The following SMC6 variants were observed in gnomAD, a reference collection of about 807,000 sequenced individuals.
SMC6 encodes the protein structural maintenance of chromosomes 6, also known as structural maintenance of chromosomes protein 6.
A neutral mutation model predicts 142.2 loss-of-function variants in SMC6; 79 were observed. That is an observed-to-expected ratio of 0.56 (90% confidence interval 0.46 to 0.67). The LOEUF is 0.67. SMC6 is among the 30% of genes least tolerant of loss of function. SMC6 has a pLI of 0.00. For synonymous variants in SMC6, 411 were observed against 412.4 expected (o/e 1.00, Z 0.04); for missense variants, 1,072 against 1,284.0 (o/e 0.83, Z 2.52).
rs1318389321 is a variant in SMC6 at position 17,747,072 on chromosome 2, A to G, written c.-5-1121T>C. Reference sequence around the variant, plus strand: ...TCAACACCCTAACTGGGGTAGAGTCAAAGGCTATGTAGACAAGTAGGGAGC... The same window carrying G: ...TCAACACCCTAACTGGGGTAGAGTCGAAGGCTATGTAGACAAGTAGGGAGC... On this transcript the variant is annotated intron_variant, in intron 2 of 27. Transcript: ENST00000448223. Among the ~76,000 whole-genome samples the G allele has an allele frequency of 3.3e-5, 5 of 152,206 alleles. No individual in the cohort carries two copies. The East Asian group carries it at 9.6e-4, about 29-fold the overall frequency.
intron 2 of SMC6, among the ~76,000 whole-genome samples, chr2:17,747,611 T>G (rs906297639): frequency 6.6e-5 from 10 of 152,052 alleles, no homozygotes; most frequent in African/African-American, 2.4e-4. Flanking sequence ...GTTCAAGCGA[T>G]TCTCTTGCCT....
chr2:17,714,340 C>T (rs375752464), intron 16 of SMC6, among the ~76,000 whole-genome samples: 36 of 152,184 alleles, frequency 2.4e-4, no homozygotes, highest in East Asian at 1.4e-3. Flanking sequence ...GCAATCTGCC[C>T]GCCTTGGCCT....
chr2:17,746,680 T>G (rs1018045184), intron 2 of SMC6, among the ~76,000 whole-genome samples: 3 of 152,198 alleles, frequency 2.0e-5, no homozygotes, highest in African/African-American at 7.2e-5. Flanking sequence ...AAATTACACA[T>G]GATTTTGCTA....
chr2:17,736,657 T>C (rs906918609), intron 5 of SMC6, among the ~76,000 whole-genome samples: 1 of 151,474 alleles, frequency 6.6e-6, no homozygotes, highest in Non-Finnish European at 1.5e-5. Context: ...GGTAGATCAC[T>C]TGAGCCCAGG....
chr2:17,713,282 G>A lies in SMC6; in HGVS notation c.1730+1579C>T, dbSNP rs919775366. The A allele has an allele frequency of 5.2e-5, 17 of 329,488 alleles. No homozygotes were observed. The East Asian group carries it at 5.2e-4, about 10-fold the overall frequency. 20.4% of individuals were successfully genotyped at this position (329,488 alleles called of 1,614,324 possible). A position where few individuals can be genotyped will look rare whatever the true frequency, so the allele number is the denominator to read the frequency against. On this transcript the variant is annotated intron_variant, in intron 16 of 27. Transcript: ENST00000448223. The stretch of plus-strand genomic sequence containing the variant: ...GGCTTTTGTATCTTAAGCAGACTTC[G>A]AGTCAGCTTCCTCTCTCATTCTCCT...
intron 7 of SMC6, among the ~76,000 whole-genome samples, chr2:17,728,426 C>A (rs908472422): frequency 2.6e-5 from 4 of 151,806 alleles, no homozygotes; most frequent in African/African-American, 4.8e-5. Context: ...AGAGTGAGAC[C>A]CTGTCCCAAG....
intron 4 of SMC6, among the ~76,000 whole-genome samples, chr2:17,738,751 C>G (rs1670281209): frequency 6.6e-6 from 1 of 152,170 alleles, no homozygotes; most frequent in Non-Finnish European, 1.5e-5. Context: ...CTCCTGGGCT[C>G]AAGCTATCCT....
chr2:17,752,143 C>A (rs955186821), intron 2 of SMC6, among the ~76,000 whole-genome samples: 4 of 152,190 alleles, frequency 2.6e-5, no homozygotes, highest in African/African-American at 7.2e-5. Context: ...TACAGTCAAT[C>A]CCTAAGAATT....
At chr2:17,709,521 T>C (rs1287998838) in intron 16 of SMC6, among the ~76,000 whole-genome samples, 1 of 152,196 alleles carries the variant, frequency 6.6e-6, no homozygotes, top group East Asian at 1.9e-4. Flanking sequence ...GCATTCTTAG[T>C]GCTTTCCTAG....
intron 25 of SMC6, among the ~76,000 whole-genome samples, chr2:17,677,143 G>A (rs1325770055): frequency 3.3e-5 from 5 of 152,068 alleles, no homozygotes; most frequent in East Asian, 3.9e-4. Context: ...GGGTAAGCAC[G>A]CAGTCTTTAT....
At chr2:17,681,012 T>C (rs1667216938) in intron 24 of SMC6, 2 of 152,212 alleles carry the variant, frequency 1.3e-5, no homozygotes, top group Admixed American at 6.5e-5. Flanking sequence ...TGAAAATCCA[T>C]TGTTTAGTGT....
At chr2:17,716,958 A>G (rs564327827) in intron 13 of SMC6, 53 bp from the exon 14 acceptor site, 6 of 1,559,128 alleles carry the variant, frequency 3.8e-6, no homozygotes, top group South Asian at 3.6e-5. Flanking sequence ...ACAGCCTAAC[A>G]TTTAAAGAAC....
chr2:17,683,605 A>G (rs1667324605), intron 24 of SMC6, 33 bp downstream of exon 24: 8 of 1,546,206 alleles, frequency 5.2e-6, no homozygotes, highest in Non-Finnish European at 7.0e-6. Context: ...ACAAAAATGT[A>G]TAATATATAG....
Position 17,665,509 on chromosome 2 carries a change from T to C in SMC6, c.3266A>G (p.Asp1089Gly), listed in dbSNP as rs1255625303. ...FRPVTQEEDD[D>G]QR is the part of the protein sequence containing the mutation. ...ATGTTAAGTTACAAATCACCTTTGG[T>C]CATCATCTTCTTCTTGAGTCACAGG... is the stretch of plus-strand genomic sequence containing the variant. Residue 1089 changes from aspartate to glycine, a missense_variant, in exon 28 of 28, where the codon GAC becomes GGC. Transcript: ENST00000448223. 1 of 1,607,176 alleles carries C rather than the reference T, an allele frequency of 6.2e-7. No homozygotes were observed.
chr2:17,691,428 A>G (rs919821009), intron 23 of SMC6, among the ~76,000 whole-genome samples: 3 of 137,654 alleles, frequency 2.2e-5, no homozygotes, highest in African/African-American at 8.9e-5. Context: ...TATCTTGGCT[A>G]TTGTGAATAG....
At chr2:17,742,195 G>A (rs1404496843) in intron 3 of SMC6, among the ~76,000 whole-genome samples, 1 of 152,196 alleles carries the variant, frequency 6.6e-6, no homozygotes, top group Non-Finnish European at 1.5e-5. Flanking sequence ...AATTGGCATA[G>A]TAAAACTTCC....
rs1416262457 is a variant in SMC6, at chr2:17,731,684, T to C, written c.481+57A>G. 3.9e-6 allele frequency: 6 copies of C among 1,542,986 alleles called. No individual in the cohort carries two copies. In the African/African-American group the frequency reaches 4.1e-5, roughly 11 times the overall value. On this transcript the variant is annotated intron_variant, in intron 6 of 27. Coordinates refer to ENST00000448223, the MANE Select transcript of SMC6 (RefSeq NM_001142286.2). ...TCAATCAATACCAGCAGTCATCTAA[T>C]TCTTTTTGAGTATTTCCTAATATTT...
intron 8 of SMC6, among the ~76,000 whole-genome samples, chr2:17,726,087 T>TTAAAAAAA (rs1491419205): frequency 3.6e-5 from 2 of 54,942 alleles, no homozygotes; most frequent in African/African-American, 9.1e-5. Flanking sequence ...GGCTCTGTCT[T>TTAAAAAAA]AAAAAAAAAA....
chr2:17,703,641 C>A (rs1668371351), intron 18 of SMC6, among the ~76,000 whole-genome samples: 1 of 152,062 alleles, frequency 6.6e-6, no homozygotes, highest in African/African-American at 2.4e-5. Flanking sequence ...TCAGCTTATT[C>A]AATGTGAAGA....
Sources: gnomAD v4.1 joint callset for allele counts (sites outside exome capture counted in the v4.1 genomes callset) on GRCh38, gnomAD v4.1.1 for gene constraint, MANE v1.5 for transcripts, NCBI Gene and HGNC (gene_info 2026-07-23, HGNC 2026-07-21) for gene names.